Variants in GTF2H3 observed in about 807,000 individuals in gnomAD.
GTF2H3 encodes the protein TFIIH basal transcription factor complex p34 subunit.
Under a neutral mutation model 51.1 loss-of-function variants are expected in GTF2H3, and 42 were observed. The ratio of observed to expected loss-of-function variants is 0.82; its 90% CI spans 0.64 to 1.06. The LOEUF (loss-of-function observed/expected upper bound fraction) is 1.06, where lower values mean the gene tolerates loss of function less well. GTF2H3 is among the 50% of genes least tolerant of loss of function. The pLI, the probability that GTF2H3 is intolerant of heterozygous loss-of-function variation, is 0.00. For synonymous variants in GTF2H3, 123 were observed against 123.8 expected (o/e 0.99, Z 0.04); for missense variants, 326 against 366.1 (o/e 0.89, Z 0.89).
Position 123,658,192 on chromosome 12 carries a change from G to A in GTF2H3, c.616-1324G>A, listed in dbSNP as rs1394840551. On this transcript the variant is annotated intron_variant, in intron 9 of 12. Transcript: ENST00000543341. ...CCCACTCAGTCTCCCAAGTATCTGG[G>A]ACCACTGGCATGCACTACAATGCCT... 2.0e-5 allele frequency among the ~76,000 whole-genome samples: 3 copies of A among 152,092 alleles called. No homozygotes were observed. In the South Asian group the frequency reaches 6.2e-4, roughly 32 times the overall value.
chr12:123,658,486 C>T (rs552726449), intron 9 of GTF2H3, among the ~76,000 whole-genome samples: 7 of 152,214 alleles, frequency 4.6e-5, no homozygotes, highest in Admixed American at 3.3e-4. Context: ...TGAGCCACCG[C>T]GCCCGGCCTA....
At chr12:123,657,292 C>T (rs2135800080) in intron 9 of GTF2H3, among the ~76,000 whole-genome samples, 1 of 152,256 alleles carries the variant, frequency 6.6e-6, no homozygotes, top group South Asian at 2.1e-4. Flanking sequence ...TTGACTAAAA[C>T]CCAGAGTCAG....
intron 2 of GTF2H3, among the ~76,000 whole-genome samples, chr12:123,640,471 G>A (rs6488887): frequency 0.14 from 20,903 of 151,304 alleles, 2,897 homozygotes; most frequent in African/African-American, 0.36. Flanking sequence ...CGAGTAGCTG[G>A]GATTACAGGC....
chr12:123,634,946 G>T (rs964124624), intron 1 of GTF2H3, among the ~76,000 whole-genome samples: 2 of 152,194 alleles, frequency 1.3e-5, no homozygotes, highest in African/African-American at 4.8e-5. Flanking sequence ...AAAGATCACT[G>T]TGGCTGTTGT....
chr12:123,636,548 G>A (rs1955286398), intron 1 of GTF2H3, among the ~76,000 whole-genome samples: 1 of 152,256 alleles, frequency 6.6e-6, no homozygotes. Context: ...GGCTGAGGTG[G>A]GAGGATCACT....
intron 7 of GTF2H3, among the ~76,000 whole-genome samples, chr12:123,654,679 T>C (rs11572980): frequency 1.3e-4 from 20 of 152,008 alleles, no homozygotes; most frequent in Admixed American, 1.2e-3. Context: ...TGTTTGTGTT[T>C]TGGGTGTGCA....
chr12:123,658,822 G>A (rs1955617935), intron 9 of GTF2H3, among the ~76,000 whole-genome samples: 1 of 152,106 alleles, frequency 6.6e-6, no homozygotes, highest in Admixed American at 6.5e-5. Context: ...CTGATAAAGG[G>A]ACTAGTATTC....
chr12:123,637,504 C>CTT (rs869031925), intron 1 of GTF2H3, among the ~76,000 whole-genome samples: 45 of 140,864 alleles, frequency 3.2e-4, no homozygotes, highest in South Asian at 4.5e-4. Flanking sequence ...TGTTTTTTAA[C>CTT]TTTTTTTTTT....
intron 1 of GTF2H3, among the ~76,000 whole-genome samples, chr12:123,636,333 G>A (rs1955282740): frequency 6.6e-6 from 1 of 152,232 alleles, no homozygotes; most frequent in Non-Finnish European, 1.5e-5. Flanking sequence ...AGAAGAAAGA[G>A]TTTGCGCTGG....
At chr12:123,642,374 T>A (rs754598158) in intron 2 of GTF2H3, among the ~76,000 whole-genome samples, 17 of 151,820 alleles carry the variant, frequency 1.1e-4, no homozygotes, top group Non-Finnish European at 2.2e-4. Flanking sequence ...TTTCGCCGTG[T>A]TGGCCAGGCT....
intron 2 of GTF2H3, among the ~76,000 whole-genome samples, chr12:123,640,662 T>C (rs1955357745): frequency 6.6e-6 from 1 of 152,068 alleles, no homozygotes; most frequent in Admixed American, 6.6e-5. Context: ...TAATGACAGG[T>C]TAGCTGTTTT....
chr12:123,638,161 C>T (rs1955312883), intron 1 of GTF2H3, among the ~76,000 whole-genome samples: 2 of 151,602 alleles, frequency 1.3e-5, no homozygotes, highest in Non-Finnish European at 2.9e-5. Context: ...CCATGCCCGG[C>T]TATTTTTTTT....
chr12:123,654,112 GTGTGTGTATTCTGGA>G (rs1465958702), intron 7 of GTF2H3, among the ~76,000 whole-genome samples: 1 of 151,998 alleles, frequency 6.6e-6, no homozygotes, highest in Non-Finnish European at 1.5e-5. Context: ...TATTTTGGAT[GTGTGTGTATTCTGGA>G]TGTGTGTATG....
chr12:123,656,588 C>T (rs964271025), intron 9 of GTF2H3, among the ~76,000 whole-genome samples: 1 of 152,218 alleles, frequency 6.6e-6, no homozygotes, highest in African/African-American at 2.4e-5. Flanking sequence ...TCCTCTTGGA[C>T]GTCTGGCAGG....
intron 4 of GTF2H3, chr12:123,649,706 G>A (rs1272141799): frequency 1.3e-5 from 2 of 152,246 alleles, no homozygotes; most frequent in Non-Finnish European, 2.9e-5. Context: ...TGTGGAGACA[G>A]AAAGTTGGTT....
intron 2 of GTF2H3, among the ~76,000 whole-genome samples, chr12:123,643,398 C>A (rs1401665685): frequency 6.6e-6 from 1 of 152,172 alleles, no homozygotes; most frequent in East Asian, 1.9e-4. Context: ...GGTTAAACAT[C>A]CGCCAGCACA....
At chr12:123,655,583 G>A (rs1955576516) in intron 8 of GTF2H3, 188 bp from the exon 9 acceptor site, 2 of 496,714 alleles carry the variant, frequency 4.0e-6, no homozygotes, top group Non-Finnish European at 7.2e-6. Context: ...TCACCCGCTG[G>A]CTCTGTGACC....
At chr12:123,652,503 T>C in intron 5 of GTF2H3, 29 bp from the exon 6 acceptor site, 1 of 1,215,400 alleles carries the variant, frequency 8.2e-7, no homozygotes. Flanking sequence ...AAATAATATT[T>C]TTGTATTCCT....
rs751371333 is a variant in GTF2H3, at chr12:123,659,601, G to A, written c.684+17G>A. 2.0e-5 allele frequency: 33 copies of A among 1,610,912 alleles called. No individual in the cohort carries two copies. Among genetic ancestry groups the A allele is most frequent in the South Asian group, 3.3e-5 (3 of 90,990 alleles). ...TATTTGCTGGTAAGGAGACAGCAGC[G>A]GCGACCCTGATGCCTGGAGGGAAGG... On this transcript the variant is annotated intron_variant, in intron 10 of 12. Coordinates refer to ENST00000543341, the MANE Select transcript of GTF2H3 (RefSeq NM_001516.5).
Sources: allele counts gnomAD v4.1 joint callset (sites outside exome capture counted in the v4.1 genomes callset), GRCh38; gene constraint gnomAD v4.1.1; transcripts MANE v1.5; gene names NCBI Gene and HGNC (gene_info 2026-07-23, HGNC 2026-07-21).